Variants in DLGAP4 observed in about 807,000 individuals in gnomAD.
DLGAP4 encodes the protein disks large-associated protein 4.
DLGAP4 carries 18 observed loss-of-function variants against 86.9 expected under a neutral mutation model. That is an observed-to-expected ratio of 0.21 (90% confidence interval 0.14 to 0.31). The LOEUF (loss-of-function observed/expected upper bound fraction) is 0.31. Ranked by LOEUF, DLGAP4 falls within the 10% of genes least tolerant of loss-of-function variation. The pLI is 1.00. For missense variants in DLGAP4, 1,085 were observed against 1,362.6 expected (o/e 0.80, Z 3.21); for synonymous variants, 548 against 574.3 (o/e 0.95, Z 0.65).
At position 36,505,336 on chromosome 20, in the gene DLGAP4, G is replaced by C. The variant is rs139294042; in HGVS notation, c.2512+4725G>C. ...ATGAAGTCCATTTTTTCCTTTTGTT[G>C]CTTGTGTCTCCACTTATTTTTTTAA... On this transcript the variant is annotated intron_variant, in intron 10 of 12. Coordinates refer to ENST00000339266, the MANE Select transcript of DLGAP4 (RefSeq NM_001365621.2). Among the ~76,000 whole-genome samples, 1,079 of 151,980 alleles carry C rather than the reference G, an allele frequency of 7.1e-3. 15 individuals are homozygous for C. Among genetic ancestry groups the C allele is most frequent in the African/African-American group, 0.025 (1,018 of 41,456 alleles).
At chr20:36,335,038 G>T (rs782437292) in intron 1 of DLGAP4, among the ~76,000 whole-genome samples, 5 of 152,128 alleles carry the variant, frequency 3.3e-5, no homozygotes, top group Non-Finnish European at 5.9e-5. Context: ...GGTTTGAAAA[G>T]GCCTTTTAAT....
intron 1 of DLGAP4, among the ~76,000 whole-genome samples, chr20:36,326,246 T>G (rs2065214763): frequency 6.6e-6 from 1 of 152,236 alleles, no homozygotes; most frequent in African/African-American, 2.4e-5. Flanking sequence ...CAGGTTTAAA[T>G]CTTTTCTCTT....
chr20:36,348,891 A>G (rs531499977), intron 1 of DLGAP4, among the ~76,000 whole-genome samples: 14 of 150,326 alleles, frequency 9.3e-5, no homozygotes, highest in African/African-American at 3.4e-4. Context: ...ACCTGAGGTC[A>G]GGAGTTCAAG....
chr20:36,327,890 A>G (rs2065232258), intron 1 of DLGAP4, among the ~76,000 whole-genome samples: 1 of 143,838 alleles, frequency 7.0e-6, no homozygotes, highest in African/African-American at 2.5e-5. Context: ...CGCGCCCGGC[A>G]AGAATTATCT....
In DLGAP4 at chr20:36,319,682, G is replaced by A. The variant is rs186527547; in HGVS notation, c.-304+13170G>A. On this transcript the variant is annotated intron_variant, in intron 1 of 12. Transcript: ENST00000339266. ...GACCTCAGGGGTGGAGCGGGGACTG[G>A]ATCACAGCCTCGTGACTCACAGTCC... is the stretch of plus-strand genomic sequence containing the variant. Among the ~76,000 whole-genome samples, 42 of 152,270 alleles carry A rather than the reference G, an allele frequency of 2.8e-4. 1 individual carries two copies. Among genetic ancestry groups the A allele is most frequent in the Admixed American group, 5.2e-4 (8 of 15,306 alleles).
intron 7 of DLGAP4, among the ~76,000 whole-genome samples, chr20:36,452,757 G>A (rs569100588): frequency 6.6e-4 from 100 of 150,756 alleles, no homozygotes; most frequent in African/African-American, 2.3e-3. Flanking sequence ...TGATCTGCCC[G>A]CCTCGGCCTC....
At chr20:36,499,368 TG>T in intron 8 of DLGAP4, 17 of 958,590 alleles carry the variant, frequency 1.8e-5, no homozygotes, top group Non-Finnish European at 1.5e-5. Flanking sequence ...CCCGCCCACC[TG>T]CCCGCCCGCC....
At chr20:36,402,676 A>C (rs2032196343) in intron 2 of DLGAP4, among the ~76,000 whole-genome samples, 1 of 152,198 alleles carries the variant, frequency 6.6e-6, no homozygotes, top group African/African-American at 2.4e-5. Flanking sequence ...TGAGCCCAGG[A>C]ATTCCAAGCT....
Position 36,449,839 on chromosome 20 carries a change from A to C in DLGAP4, c.1648+2902A>C, listed in dbSNP as rs538581720. 3.9e-5 allele frequency among the ~76,000 whole-genome samples: 6 copies of C among 152,354 alleles called. No homozygotes were observed. The South Asian group carries it at 1.2e-3, about 32-fold the overall frequency. Reference sequence around the variant, plus strand: ...TCTTGCTACAATTATGCTGCATAACAAACAACCACAAAATCAGTGTAATAC... The same window carrying C: ...TCTTGCTACAATTATGCTGCATAACCAACAACCACAAAATCAGTGTAATAC... On this transcript the variant is annotated intron_variant, in intron 7 of 12. Coordinates refer to ENST00000339266, the MANE Select transcript of DLGAP4 (RefSeq NM_001365621.2).
In DLGAP4 at chr20:36,528,209, TTTCTG is replaced by T. The variant is rs973151286; in HGVS notation, c.*1183_*1187del. The T allele has an allele frequency of 2.0e-5, 3 of 148,990 alleles. No individual in the cohort carries two copies. The highest frequency in any genetic ancestry group is 2.1e-4 in the South Asian group (1 of 4,680). The allele number at this position is 148,990 out of a possible 1,614,324, so 9.2% of individuals were successfully genotyped here. On this transcript the variant is annotated 3_prime_UTR_variant, in exon 13 of 13. Coordinates refer to ENST00000339266, the MANE Select transcript of DLGAP4 (RefSeq NM_001365621.2). The stretch of plus-strand genomic sequence containing the variant: ...GGGCCCATCTGCCCAGCCTCTGAGT[TTTCTG>T]TTCTATTTTTTTTTTAACCCCAATT...
intron 1 of DLGAP4, among the ~76,000 whole-genome samples, chr20:36,340,756 T>C (rs2065371189): frequency 6.6e-6 from 1 of 151,776 alleles, no homozygotes; most frequent in Non-Finnish European, 1.5e-5. Context: ...ACCCCAGGGG[T>C]CCCCCAGTTC....
intron 7 of DLGAP4, 21 bp downstream of exon 7, chr20:36,446,958 A>G (rs778189823): frequency 5.1e-6 from 8 of 1,583,946 alleles, no homozygotes; most frequent in Non-Finnish European, 6.9e-6. Flanking sequence ...TGATGAGGGA[A>G]GGGGTTTTTT....
Position 36,436,230 on chromosome 20 carries a change from G to GCGA in DLGAP4, c.1125_1127dup (p.Asp375dup). ...AGCGGCAGCTACATCAAGGCCATGG[G>GCGA]CGACGAGGACAGCGACGAGTCCGGC... On this transcript the variant is annotated inframe_insertion, in exon 4 of 13. Coordinates refer to ENST00000339266, the MANE Select transcript of DLGAP4 (RefSeq NM_001365621.2). 6.2e-7 allele frequency: 1 copy of GCGA among 1,605,604 alleles called. No individual in the cohort carries two copies. Among genetic ancestry groups the GCGA allele is most frequent in the East Asian group, 2.2e-5 (1 of 44,818 alleles).
rs745313792 is a variant in DLGAP4, at chr20:36,526,793, T to G, written c.2761-20T>G. 1.3e-6 allele frequency: 2 copies of G among 1,572,770 alleles called. No homozygotes were observed. The highest frequency in any genetic ancestry group is 4.0e-5 in the Admixed American group (2 of 50,518). On this transcript the variant is annotated intron_variant, in intron 12 of 12. Transcript: ENST00000339266. ...GCACCTTTATTTTATTTTTGTTCTCTCCTCACTGTCTCACTAAAGGAAGAG... is the reference window on the plus strand; with the variant it reads ...GCACCTTTATTTTATTTTTGTTCTCGCCTCACTGTCTCACTAAAGGAAGAG...
rs1231469523 is a variant in DLGAP4, at chr20:36,525,854, C to T, written c.2608C>T (p.Pro870Ser). ...CTGATCCCCATCTGGCCCACAGAACCCTGATGCCAACCCACGCCCCACAGC... is the reference window on the plus strand; with the variant it reads ...CTGATCCCCATCTGGCCCACAGAACTCTGATGCCAACCCACGCCCCACAGC... ...FRGLCEQNLN[P>S]DANPRPTAQD... Residue 870 changes from proline (P) to serine (S), a missense_variant, in exon 12 of 13, where the codon CCT (proline) becomes TCT (serine). Around this residue, in one of 2 missense-constraint regions of DLGAP4, gnomAD observed 1,082 missense variants for 1,344.1 expected, o/e 0.81. Transcript: ENST00000339266. 6.2e-7 allele frequency: 1 copy of T among 1,613,226 alleles called. No individual in the cohort carries two copies. Among genetic ancestry groups the T allele is most frequent in the South Asian group, 1.1e-5 (1 of 91,078 alleles).
chr20:36,516,668 G>GAAAA (rs747235286), intron 10 of DLGAP4, among the ~76,000 whole-genome samples: 2 of 77,076 alleles, frequency 2.6e-5, no homozygotes, highest in African/African-American at 5.0e-5. Flanking sequence ...TCCGTCTCAG[G>GAAAA]AAAAAAAAAA....
intron 1 of DLGAP4, among the ~76,000 whole-genome samples, chr20:36,307,113 AC>A (rs1304064826): frequency 1.3e-5 from 2 of 149,988 alleles, no homozygotes; most frequent in African/African-American, 4.9e-5. Flanking sequence ...CGGGGGCAGC[AC>A]CCCCCTCCCG....
intron 10 of DLGAP4, among the ~76,000 whole-genome samples, chr20:36,503,172 C>T (rs983273462): frequency 6.6e-6 from 1 of 152,124 alleles, no homozygotes; most frequent in Admixed American, 6.6e-5. Flanking sequence ...TGGACTTCCT[C>T]GAAGGTTTTC....
intron 7 of DLGAP4, among the ~76,000 whole-genome samples, chr20:36,495,349 GT>G (rs1209212117): frequency 6.6e-6 from 1 of 152,126 alleles, no homozygotes; most frequent in Non-Finnish European, 1.5e-5. Context: ...ACTGGGCCTT[GT>G]TTTGTGAGTT....
Sources: allele counts gnomAD v4.1 joint callset (sites outside exome capture counted in the v4.1 genomes callset), GRCh38; gene constraint gnomAD v4.1.1; regional missense constraint gnomAD v4.1.1; transcripts MANE v1.5; gene names NCBI Gene and HGNC (gene_info 2026-07-23, HGNC 2026-07-21).